The following EFNA5 variants were observed in gnomAD, a reference collection of about 807,000 sequenced individuals.
EFNA5 encodes ephrin-A5.
EFNA5 carries 5 observed loss-of-function variants against 22.9 expected under a neutral mutation model. The observed-to-expected ratio is 0.22, with a 90% confidence interval of 0.11 to 0.46. The LOEUF is 0.46. Among genes scored for constraint, EFNA5 ranks in the 20% least tolerant of loss-of-function variants. The probability of loss-of-function intolerance (pLI) is 0.99; values close to 1 mark genes in which losing one functional copy is unlikely to be tolerated. For synonymous variants in EFNA5, 113 were observed against 112.2 expected, an observed-to-expected ratio of 1.01 and a Z score of -0.04; for missense variants, 237 against 293.3, an observed-to-expected ratio of 0.81 and a Z score of 1.40.
At position 107,670,470 on chromosome 5, in the gene EFNA5, C is replaced by T. The variant is rs201015421; in HGVS notation, c.125+19G>A. On this transcript the variant is annotated intron_variant, in intron 1 of 4. Transcript: ENST00000333274. ...CCGAGGCCCGGGTAGCCCTGGCTCT[C>T]CGCCTGTTATCGGCTTACCTGGGGT... 1,214 of 1,551,780 alleles carry T rather than the reference C, an allele frequency of 7.8e-4. 3 individuals carry two copies. The highest frequency in any genetic ancestry group is 7.8e-4 in the Non-Finnish European group (895 of 1,147,164).
rs146552123 is a variant in EFNA5, at chr5:107,424,908, T to C, written c.418+2309A>G. Among the ~76,000 whole-genome samples, 231 of 152,294 alleles carry C rather than the reference T, an allele frequency of 1.5e-3. 2 individuals carry two copies. In the East Asian group the frequency reaches 0.022, roughly 15 times the overall value. Reference sequence around the variant, plus strand: ...AGGATGCCTTTGCGGGTCGAAAACATGGTTGAAAATTCAATTTAACTGAAC... The same window carrying C: ...AGGATGCCTTTGCGGGTCGAAAACACGGTTGAAAATTCAATTTAACTGAAC... On this transcript the variant is annotated intron_variant, in intron 2 of 4. Coordinates refer to ENST00000333274, the MANE Select transcript of EFNA5 (RefSeq NM_001962.3).
chr5:107,476,057 T>TGTATACATATATATATATGTATG, intron 1 of EFNA5, among the ~76,000 whole-genome samples: 4 of 100,434 alleles, frequency 4.0e-5, no homozygotes, highest in African/African-American at 2.0e-4. Context: ...TATATATATA[T>TGTATACATATATATATATGTATG]TTTTTTTTTT....
chr5:107,538,369 A>G (rs1374401188), intron 1 of EFNA5, among the ~76,000 whole-genome samples: 3 of 152,226 alleles, frequency 2.0e-5, no homozygotes, highest in African/African-American at 7.2e-5. Flanking sequence ...TGTGCAAAGT[A>G]CTATGCTTGC....
At chr5:107,444,282 A>G (rs1402657763) in intron 1 of EFNA5, among the ~76,000 whole-genome samples, 2 of 152,224 alleles carry the variant, frequency 1.3e-5, no homozygotes, top group Non-Finnish European at 2.9e-5. Flanking sequence ...TTTTCCTATT[A>G]GAGTGCTAAT....
chr5:107,636,864 C>CCATTAGATTATTTCTAA, intron 1 of EFNA5, among the ~76,000 whole-genome samples: 1 of 152,182 alleles, frequency 6.6e-6, no homozygotes, highest in South Asian at 2.1e-4. Flanking sequence ...GGGCAATAAT[C>CCATTAGATTATTTCTAA]TGTAAACCAT....
chr5:107,381,426 A>C, intron 4 of EFNA5, 50 bp from the exon 5 acceptor site: 1 of 1,557,686 alleles, frequency 6.4e-7, no homozygotes, highest in Non-Finnish European at 8.8e-7. Context: ...ATCCTTAATA[A>C]CTCTCTTGCA....
chr5:107,432,438 T>C (rs1201417095), intron 1 of EFNA5, among the ~76,000 whole-genome samples: 2 of 152,236 alleles, frequency 1.3e-5, no homozygotes, highest in Non-Finnish European at 2.9e-5. Context: ...GTCTTCTCTT[T>C]ATGTCTTATC....
In EFNA5 at chr5:107,592,034, ATT is replaced by A. The variant is rs1749378521; in HGVS notation, c.125+78453_125+78454del. 3.2e-5 allele frequency among the ~76,000 whole-genome samples: 3 copies of A among 93,020 alleles called. No homozygotes were observed. In the South Asian group the frequency reaches 7.6e-4, roughly 24 times the overall value. 61.0% of individuals were successfully genotyped at this position (93,020 alleles called of 152,430 possible). On this transcript the variant is annotated intron_variant, in intron 1 of 4. Coordinates refer to ENST00000333274, the MANE Select transcript of EFNA5 (RefSeq NM_001962.3). ...ATATATAATATAATATATATTATAT[ATT>A]ATATATATTATACATTAAACATATA...
chr5:107,660,281 T>TATATATATATATATATAA (rs1561462893), intron 1 of EFNA5, among the ~76,000 whole-genome samples: 3 of 55,612 alleles, frequency 5.4e-5, no homozygotes, highest in East Asian at 1.6e-3. Context: ...TATATATATA[T>TATATATATATATATATAA]ATATATATAT....
At chr5:107,489,321 G>A (rs974982297) in intron 1 of EFNA5, among the ~76,000 whole-genome samples, 5 of 151,972 alleles carry the variant, frequency 3.3e-5, no homozygotes, top group Admixed American at 2.6e-4. Context: ...TTACAGGCAC[G>A]TGCCACCATG....
At chr5:107,412,443 T>C (rs1748394725) in intron 2 of EFNA5, among the ~76,000 whole-genome samples, 1 of 152,212 alleles carries the variant, frequency 6.6e-6, no homozygotes, top group Admixed American at 6.5e-5. Context: ...ATAATAAAAC[T>C]TGATGAAACA....
chr5:107,474,121 T>C (rs1750217464), intron 1 of EFNA5, among the ~76,000 whole-genome samples: 1 of 152,178 alleles, frequency 6.6e-6, no homozygotes, highest in African/African-American at 2.4e-5. Flanking sequence ...AACCAATATT[T>C]AGAAACCCAG....
At chr5:107,387,587 A>G in intron 3 of EFNA5, 119 bp downstream of exon 3, 1 of 738,294 alleles carries the variant, frequency 1.4e-6, no homozygotes, top group East Asian at 2.5e-5. Flanking sequence ...ATGTTGATAT[A>G]CAAAACAGAT....
At chr5:107,476,066 T>A (rs1297321020) in intron 1 of EFNA5, among the ~76,000 whole-genome samples, 1 of 33,156 alleles carries the variant, frequency 3.0e-5, no homozygotes, top group East Asian at 1.8e-3. Flanking sequence ...ATTTTTTTTT[T>A]TTGAGACAGA....
In EFNA5 at chr5:107,600,440, G is replaced by A. The variant is rs560672364; in HGVS notation, c.125+70049C>T. Among the ~76,000 whole-genome samples the A allele has an allele frequency of 2.0e-4, 31 of 152,142 alleles. No individual in the cohort carries two copies. In the South Asian group the frequency reaches 5.0e-3, roughly 24 times the overall value. ...ACCTAATATACTGTGGTAGCCCAGA[G>A]GCCAGCAATAAACTGAAGGTAATCA... On this transcript the variant is annotated intron_variant, in intron 1 of 4. Transcript: ENST00000333274.
Position 107,670,864 on chromosome 5 carries a change from G to C in EFNA5, c.-251C>G. The C allele has an allele frequency of 2.1e-6, 1 of 487,326 alleles. No individual in the cohort carries two copies. The highest frequency in any genetic ancestry group is 4.0e-5 in the East Asian group (1 of 25,006). 30.2% of individuals were successfully genotyped at this position (487,326 alleles called of 1,614,324 possible). On this transcript the variant is annotated 5_prime_UTR_variant, in exon 1 of 5. Coordinates refer to ENST00000333274, the MANE Select transcript of EFNA5 (RefSeq NM_001962.3). ...CTCGCACCCCCACTGGAGGGTTCAG[G>C]AGGAAAAAGGAATCACAAGATGGAG...
chr5:107,603,681 G>C (rs1749652679), intron 1 of EFNA5, among the ~76,000 whole-genome samples: 1 of 152,182 alleles, frequency 6.6e-6, no homozygotes, highest in Non-Finnish European at 1.5e-5. Context: ...TTTACTGAGA[G>C]CAAAGAATGT....
At chr5:107,433,826 CAGAGGCAGAGGT>C (rs1157877966) in intron 1 of EFNA5, among the ~76,000 whole-genome samples, 1 of 151,080 alleles carries the variant, frequency 6.6e-6, no homozygotes, top group Non-Finnish European at 1.5e-5. Context: ...ACTTGAGCCT[CAGAGGCAGAGGT>C]TGTAGTGAAC....
intron 1 of EFNA5, among the ~76,000 whole-genome samples, chr5:107,566,773 G>T (rs1748675099): frequency 6.6e-6 from 1 of 152,120 alleles, no homozygotes; most frequent in South Asian, 2.1e-4. Flanking sequence ...TTAGGTTTTG[G>T]GTTTCTTCCA....
Sources: allele counts gnomAD v4.1 joint callset (sites outside exome capture counted in the v4.1 genomes callset), GRCh38; gene constraint gnomAD v4.1.1; transcripts MANE v1.5; gene names NCBI Gene and HGNC (gene_info 2026-07-23, HGNC 2026-07-21).